The following TIAM2 variants were observed in gnomAD, a reference collection of about 807,000 sequenced individuals.
TIAM2 encodes the protein rho guanine nucleotide exchange factor TIAM2.
TIAM2 carries 80 observed loss-of-function variants against 152.9 expected under a neutral mutation model. The ratio of observed to expected loss-of-function variants is 0.52; its 90% CI spans 0.44 to 0.63. The LOEUF (loss-of-function observed/expected upper bound fraction) is 0.63, where lower values mean the gene tolerates loss of function less well. Among genes scored for constraint, TIAM2 ranks in the 30% least tolerant of loss-of-function variants. The pLI, the probability that TIAM2 is intolerant of heterozygous loss-of-function variation, is 0.00. For missense variants in TIAM2, 1,965 were observed against 2,120.1 expected (o/e 0.93, Z 1.44); for synonymous variants, 804 against 838.0 (o/e 0.96, Z 0.70).
intron 1 of TIAM2, among the ~76,000 whole-genome samples, chr6:155,032,091 A>ATT (rs1776833839): frequency 7.5e-6 from 1 of 133,826 alleles, no homozygotes; most frequent in Non-Finnish European, 1.6e-5. Context: ...TGTGAGGGAA[A>ATT]AAAGGTGGGA....
intron 15 of TIAM2, among the ~76,000 whole-genome samples, chr6:155,229,920 T>A (rs1782390546): frequency 6.6e-6 from 1 of 151,966 alleles, no homozygotes; most frequent in South Asian, 2.1e-4. Flanking sequence ...TCGTGAGACT[T>A]ATTCACTATC....
intron 1 of TIAM2, among the ~76,000 whole-genome samples, chr6:155,068,094 C>A (rs1422907487): frequency 6.6e-6 from 1 of 152,168 alleles, no homozygotes; most frequent in African/African-American, 2.4e-5. Context: ...CAGTTACACC[C>A]ATCAGTTGTT....
intron 1 of TIAM2, among the ~76,000 whole-genome samples, chr6:155,009,459 T>A (rs1778452326): frequency 6.6e-6 from 1 of 152,102 alleles, no homozygotes; most frequent in Admixed American, 6.5e-5. Context: ...TGTTTCTAGG[T>A]GATGCTGCCA....
At chr6:155,084,151 T>A (rs1778129479) in intron 1 of TIAM2, among the ~76,000 whole-genome samples, 1 of 152,192 alleles carries the variant, frequency 6.6e-6, no homozygotes, top group Non-Finnish European at 1.5e-5. Flanking sequence ...TTCTGTGGTG[T>A]GAGTGTTACT....
At chr6:155,172,109 G>GTAA (rs138202805) in intron 9 of TIAM2, among the ~76,000 whole-genome samples, 17 of 152,100 alleles carry the variant, frequency 1.1e-4, no homozygotes, top group African/African-American at 2.6e-4. Context: ...GACCATTGAT[G>GTAA]TAATAATAAT....
At position 155,248,144 on chromosome 6, in the gene TIAM2, C is replaced by A. The variant is rs41284220; in HGVS notation, c.3797C>A (p.Thr1266Lys). The A allele has an allele frequency of 6.2e-7, 1 of 1,614,112 alleles. No individual in the cohort carries two copies. The highest frequency in any genetic ancestry group is 8.5e-7 in the Non-Finnish European group (1 of 1,180,028). ...CTGCTCAAGGAGCTGGTGTCCCTGA[C>A]GGACCAGGAGAGCGAGGAGCACTAC... ...PLLLKELVSL[T>K]DQESEEHYHL... Residue 1266 changes from threonine (T) to lysine (K), a missense_variant, in exon 20 of 27, where the codon ACG becomes AAG. Thr to Lys is a moderately conservative substitution (Grantham distance 78). Around this residue, in one of 3 missense-constraint regions of TIAM2, gnomAD observed 935 missense variants for 980.0 expected, o/e 0.95. Transcript: ENST00000682666.
rs62621836 is a variant in TIAM2 at position 155,165,401 on chromosome 6, A to T, written c.2353A>T (p.Ile785Leu). ...AAAAGGCAAGGAGAAGAGACCTTCT[A>T]TAACTCAGGTGAGCTTTTCAGCATG... ...ARKGKEKRPSITQVDELLHIY... is the reference protein window; with the variant it reads ...ARKGKEKRPSLTQVDELLHIY... The change falls in exon 9 of 27, where the codon ATA (isoleucine) becomes TTA (leucine). Residue 785 changes from isoleucine (I) to leucine (L), a missense_variant. This residue lies in a region of TIAM2 where 1,025 missense variants were observed against 1,119.4 expected (regional missense o/e 0.92). Transcript: ENST00000682666. 1 of 1,611,534 alleles carries T rather than the reference A, an allele frequency of 6.2e-7. No individual in the cohort carries two copies. The highest frequency in any genetic ancestry group is 1.3e-5 in the African/African-American group (1 of 74,746).
At chr6:155,233,908 A>G (rs1353498401) in intron 15 of TIAM2, among the ~76,000 whole-genome samples, 2 of 151,694 alleles carry the variant, frequency 1.3e-5, no homozygotes, top group African/African-American at 4.9e-5. Flanking sequence ...GGCTGCAGTG[A>G]GCTATGATTG....
intron 1 of TIAM2, chr6:155,004,840 A>AT (rs1778373569): frequency 6.5e-6 from 1 of 154,638 alleles, no homozygotes; most frequent in Admixed American, 6.5e-5. Flanking sequence ...CTTTGTAAAT[A>AT]TAGTAGGCTC....
intron 9 of TIAM2, among the ~76,000 whole-genome samples, chr6:155,173,746 C>T (rs933414777): frequency 1.3e-5 from 2 of 152,128 alleles, no homozygotes; most frequent in Non-Finnish European, 1.5e-5. Context: ...TCTCCTGGTG[C>T]GGGACTTAGA....
chr6:155,173,197 G>GTC (rs55940236), intron 9 of TIAM2, among the ~76,000 whole-genome samples: 3,987 of 147,124 alleles, frequency 0.027, 63 homozygotes, highest in African/African-American at 0.041. Flanking sequence ...GTGTGTGTGT[G>GTC]TGTGTCTGTC....
intron 1 of TIAM2, among the ~76,000 whole-genome samples, chr6:155,087,824 T>A (rs1455321274): frequency 1.3e-5 from 2 of 151,916 alleles, no homozygotes; most frequent in Non-Finnish European, 2.9e-5. Context: ...AATTTAAAAG[T>A]TTTAAGTAAA....
intron 14 of TIAM2, among the ~76,000 whole-genome samples, chr6:155,193,969 G>T (rs1428610553): frequency 6.6e-6 from 1 of 152,180 alleles, no homozygotes; most frequent in African/African-American, 2.4e-5. Context: ...TTTTCAACTT[G>T]TGGACTCCCT....
Position 155,164,505 on chromosome 6 carries a change from C to A in TIAM2, c.2119C>A (p.Pro707Thr). ...YLASLQGGEL[P>T]NPKSLLAAAS... ...GGCCAGCCTACAAGGTGGGGAGTTA[C>A]CGAACCCAAAGAGTCTCCTTGCAGC... The change falls in exon 8 of 27, where the codon CCG becomes ACG. Residue 707 changes from proline to threonine, a missense_variant. Coordinates refer to ENST00000682666, the MANE Select transcript of TIAM2 (RefSeq NM_012454.4). The A allele has an allele frequency of 6.2e-7, 1 of 1,614,124 alleles. No homozygotes were observed. Among genetic ancestry groups the A allele is most frequent in the African/African-American group, 1.3e-5 (1 of 75,028 alleles).
intron 1 of TIAM2, among the ~76,000 whole-genome samples, chr6:155,014,507 T>A (rs1778541727): frequency 6.6e-6 from 1 of 152,202 alleles, no homozygotes; most frequent in Non-Finnish European, 1.5e-5. Context: ...TTTGTGAATA[T>A]CTGATACATG....
At chr6:155,166,934 A>G (rs73795334) in intron 9 of TIAM2, among the ~76,000 whole-genome samples, 16,271 of 152,238 alleles carry the variant, frequency 0.11, 945 homozygotes, top group Middle Eastern at 0.16. Context: ...TTCTGATTAT[A>G]TTTTCAATAT....
rs369003828 is a variant in TIAM2 at position 155,252,927 on chromosome 6, T to G, written c.4120-21T>G. 29 of 1,604,348 alleles carry G rather than the reference T, an allele frequency of 1.8e-5. No individual in the cohort carries two copies. The South Asian group carries it at 2.1e-4, about 12-fold the overall frequency. On this transcript the variant is annotated intron_variant, in intron 23 of 26. Transcript: ENST00000682666. The stretch of plus-strand genomic sequence containing the variant: ...GTGACAGCTTCCCTAACACTTTTCT[T>G]GGTGGGCCTTCATGTTACAGCCCTC...
Position 155,137,188 on chromosome 6 carries a change from C to T in TIAM2, c.1206C>T (p.Ser402=), listed in dbSNP as rs1321113333. The change falls in exon 5 of 27, where the codon TCC becomes TCT. Residue 402 remains serine, a synonymous_variant. Transcript: ENST00000682666. ...TGTGTTTCTCACAGGAGCCGAGGTC[C>T]AAGGAGGGCAGTGACTACTTTGACA... ...RKKRKLQEPR[S]KEGSDYFDSR... is the part of the protein sequence containing the mutation. 6.2e-7 allele frequency: 1 copy of T among 1,612,282 alleles called. No individual in the cohort carries two copies. Among genetic ancestry groups the T allele is most frequent in the Non-Finnish European group, 8.5e-7 (1 of 1,178,644 alleles).
intron 14 of TIAM2, 52 bp downstream of exon 14, chr6:155,183,552 T>C (rs1179297185): frequency 2.0e-6 from 3 of 1,532,374 alleles, no homozygotes; most frequent in Non-Finnish European, 1.8e-6. Context: ...ACAGCCAATA[T>C]TTTTAGGCTG....
Sources: allele counts gnomAD v4.1 joint callset (sites outside exome capture counted in the v4.1 genomes callset), GRCh38; gene constraint gnomAD v4.1.1; regional missense constraint gnomAD v4.1.1; transcripts MANE v1.5; gene names NCBI Gene and HGNC (gene_info 2026-07-23, HGNC 2026-07-21).